NDRG4: variants seen among roughly 807,000 people sequenced by gnomAD.
The protein encoded by NDRG4 is NDRG family member 4, also known as protein NDRG4.
A neutral mutation model predicts 55.8 loss-of-function variants in NDRG4; 38 were observed. That is an observed-to-expected ratio of 0.68 (90% confidence interval 0.53 to 0.89). NDRG4 has a LOEUF of 0.89. NDRG4 is among the 40% of genes least tolerant of loss of function. The pLI, the probability that NDRG4 is intolerant of heterozygous loss-of-function variation, is 0.00. For synonymous variants in NDRG4, 190 were observed against 182.7 expected (o/e 1.04, Z -0.32); for missense variants, 455 against 468.6 (o/e 0.97, Z 0.27).
At chr16:58,515,169 C>A (rs2039073614), downstream of NDRG4, among the ~76,000 whole-genome samples, 1 of 152,158 alleles carries the variant, frequency 6.6e-6, no homozygotes, top group Non-Finnish European at 1.5e-5. Context: ...CGCCCAGTTG[C>A]GTCGCTCACC....
chr16:58,498,631 T>C (rs929244592), upstream of NDRG4, among the ~76,000 whole-genome samples: 4 of 152,172 alleles, frequency 2.6e-5, no homozygotes, highest in African/African-American at 9.7e-5. Flanking sequence ...CCCTTGTTCC[T>C]GGAGGCAACC....
chr16:58,475,553 CAG>C (rs1001529247), intron 1 of NDRG4: 2 of 453,012 alleles, frequency 4.4e-6, no homozygotes. Context: ...CTGTGTGTAA[CAG>C]AAAACCCATG....
At chr16:58,482,804 CTCTTTCTTTCTT>C (rs1436680700) in intron 1 of NDRG4, among the ~76,000 whole-genome samples, 1 of 144,210 alleles carries the variant, frequency 6.9e-6, no homozygotes, top group African/African-American at 2.5e-5. Flanking sequence ...CTTTCTTTCT[CTCTTTCTTTCTT>C]TTGACAGAGT....
Position 58,464,108 on chromosome 16 carries a change from G to A in NDRG4, c.-24+311G>A. 3.3e-6 allele frequency: 1 copy of A among 302,560 alleles called. No homozygotes were observed. 18.7% of individuals were successfully genotyped at this position (302,560 alleles called of 1,614,324 possible). On this transcript the variant is annotated intron_variant, in intron 1 of 15. Transcript: ENST00000258187. The surrounding 1 kb of genome is among the most constrained non-coding windows in gnomAD (Gnocchi z 4.8). Reference sequence around the variant, plus strand: ...GCGGGGTCTCTTTGTTCGGGCGGCGGGCACGGGGGACCACCTCCCACGGTG... The same window carrying A: ...GCGGGGTCTCTTTGTTCGGGCGGCGAGCACGGGGGACCACCTCCCACGGTG...
rs150807223 is a variant in NDRG4 at position 58,507,951 on chromosome 16, C to T, written c.681C>T (p.Cys227=). 26 of 1,606,130 alleles carry T rather than the reference C, an allele frequency of 1.6e-5. No homozygotes were observed. In the African/African-American group the frequency reaches 3.3e-4, roughly 21 times the overall value. The change falls in exon 10 of 15, where the codon TGC becomes TGT. Residue 227 remains cysteine (C), a synonymous_variant. Transcript: ENST00000570248. The part of the protein sequence containing the change: ...GTVPNAKTLR[C]PVMLVVGDNA... ...CCCTTTTCCTCTGTATCTGCAGCTG[C>T]CCCGTGATGCTGGTGGTTGGGGATA...
intron 1 of NDRG4, chr16:58,501,871 C>T (rs2037177845): frequency 2.4e-6 from 1 of 420,656 alleles, no homozygotes; most frequent in Non-Finnish European, 5.0e-6. Flanking sequence ...CCGCACGCTG[C>T]GGGTCTGGGT....
At chr16:58,483,537 T>C (rs539557962) in intron 1 of NDRG4, among the ~76,000 whole-genome samples, 13 of 152,214 alleles carry the variant, frequency 8.5e-5, no homozygotes, top group Non-Finnish European at 1.6e-4. Flanking sequence ...TACATGTCTC[T>C]GTCCCCCAGC....
In NDRG4 at chr16:58,464,902, G is replaced by A. The variant is rs1163561605; in HGVS notation, c.-24+1105G>A. The stretch of plus-strand genomic sequence containing the variant: ...CTCTGGGGGAGAAGTTTCTTGCTGG[G>A]AGTGGAGGCGACGCCAAGTGGCCTG... On this transcript the variant is annotated intron_variant, in intron 1 of 15. Transcript: ENST00000258187. This position sits in a 1 kb window ranked among gnomAD's most constrained non-coding sequence, Gnocchi z 4.8. 4 of 1,175,154 alleles carry A rather than the reference G, an allele frequency of 3.4e-6. No individual in the cohort carries two copies. Among genetic ancestry groups the A allele is most frequent in the Non-Finnish European group, 4.3e-6 (4 of 936,950 alleles). 72.8% of individuals were successfully genotyped at this position (1,175,154 alleles called of 1,614,324 possible).
At chr16:58,503,577 C>A in intron 1 of NDRG4, 1 of 851,736 alleles carries the variant, frequency 1.2e-6, no homozygotes, top group Non-Finnish European at 1.9e-6. Context: ...AGACCTTCCC[C>A]ATGCAGATCA....
At chr16:58,489,221 G>A (rs954781941) in intron 2 of NDRG4, among the ~76,000 whole-genome samples, 22 of 151,940 alleles carry the variant, frequency 1.4e-4, no homozygotes, top group African/African-American at 4.8e-4. Context: ...AACCCGGGAG[G>A]TTCAACCCCA....
At position 58,508,986 on chromosome 16, in the gene NDRG4, C is replaced by G. The variant is rs2038413341; in HGVS notation, c.754C>G (p.Pro252Ala). Reference sequence around the variant, plus strand: ...GGTGGAGTGCAACTCCAAACTGGACCCGACCACTACGACCTTCCTGAAGGT... The same window carrying G: ...GGTGGAGTGCAACTCCAAACTGGACGCGACCACTACGACCTTCCTGAAGGT... ...GVVECNSKLD[P>A]TTTTFLKMAD... Residue 252 changes from proline (P) to alanine (A), a missense_variant, in exon 11 of 15, where the codon CCG becomes GCG. By Grantham distance (27) the Pro-to-Ala change is conservative (BLOSUM62 -1). Coordinates refer to ENST00000570248, the MANE Select transcript of NDRG4 (RefSeq NM_001242835.2). The G allele has an allele frequency of 6.2e-7, 1 of 1,614,038 alleles. No individual in the cohort carries two copies. The highest frequency in any genetic ancestry group is 8.5e-7 in the Non-Finnish European group (1 of 1,179,992).
chr16:58,488,369 G>T (rs545848127), intron 2 of NDRG4, among the ~76,000 whole-genome samples: 164 of 152,322 alleles, frequency 1.1e-3, no homozygotes, highest in African/African-American at 3.8e-3. Context: ...CTCCGTCAAG[G>T]GACAAGGCAT....
intron 1 of NDRG4, among the ~76,000 whole-genome samples, chr16:58,468,995 T>TC (rs2032278135): frequency 6.6e-6 from 1 of 152,184 alleles, no homozygotes; most frequent in Non-Finnish European, 1.5e-5. Context: ...TCTGAAATGG[T>TC]CCCTGGGGAG....
At chr16:58,471,888 A>AGT (rs1302450483) in intron 1 of NDRG4, among the ~76,000 whole-genome samples, 16 of 151,762 alleles carry the variant, frequency 1.1e-4, no homozygotes, top group African/African-American at 2.7e-4. Context: ...AGAGTGTGTG[A>AGT]GTGTGTGTGT....
chr16:58,498,827 A>T (rs1311453927), upstream of NDRG4, among the ~76,000 whole-genome samples: 1 of 152,172 alleles, frequency 6.6e-6, no homozygotes, highest in Non-Finnish European at 1.5e-5. Flanking sequence ...AGGCAGGGTC[A>T]GGTCTTGCCA....
intron 2 of NDRG4, among the ~76,000 whole-genome samples, chr16:58,489,812 GTCTT>G (rs531306580): frequency 1.9e-4 from 29 of 152,080 alleles, no homozygotes; most frequent in African/African-American, 6.3e-4. Context: ...TCCTGCCTGT[GTCTT>G]TCTTTCTGTC....
Position 58,509,391 on chromosome 16 carries a change from C to A in NDRG4, c.865+39C>A. 2 of 1,603,416 alleles carry A rather than the reference C, an allele frequency of 1.2e-6. 1 individual carries two copies. The highest frequency in any genetic ancestry group is 2.2e-5 in the South Asian group (2 of 90,572). Reference sequence around the variant, plus strand: ...CACCCCACCCCACACCACCTAGAGACCGGTGGGCAGGCAGTGCTGGGGTTG... The same window carrying A: ...CACCCCACCCCACACCACCTAGAGAACGGTGGGCAGGCAGTGCTGGGGTTG... On this transcript the variant is annotated intron_variant, in intron 13 of 14. Coordinates refer to ENST00000570248, the MANE Select transcript of NDRG4 (RefSeq NM_001242835.2).
chr16:58,473,107 T>C (rs964537171), intron 1 of NDRG4, among the ~76,000 whole-genome samples: 6 of 152,142 alleles, frequency 3.9e-5, no homozygotes, highest in African/African-American at 7.2e-5. Flanking sequence ...AAAACTGTAT[T>C]ATGTATTATC....
At chr16:58,497,777 A>T (rs1006058786), upstream of NDRG4, among the ~76,000 whole-genome samples, 1 of 152,120 alleles carries the variant, frequency 6.6e-6, no homozygotes. Context: ...CAACCACCAG[A>T]AAAAGGGCCA....
Sources: allele counts gnomAD v4.1 joint callset (sites outside exome capture counted in the v4.1 genomes callset), GRCh38; gene constraint gnomAD v4.1.1; non-coding constraint Gnocchi (gnomAD v3.1); transcripts MANE v1.5; gene names NCBI Gene and HGNC (gene_info 2026-07-23, HGNC 2026-07-21).